Variants in GRK3 observed in about 807,000 individuals in gnomAD.
The protein encoded by GRK3 is G protein-coupled receptor kinase 3.
A neutral mutation model predicts 95.7 loss-of-function variants in GRK3; 54 were observed. That is an observed-to-expected ratio of 0.56 (90% CI 0.45 to 0.71). GRK3 has a LOEUF of 0.71. GRK3 is among the 30% of genes least tolerant of loss of function. The probability of loss-of-function intolerance (pLI) is 0.00; values close to 1 mark genes in which losing one functional copy is unlikely to be tolerated. For missense variants in GRK3, 649 were observed against 851.2 expected (o/e 0.76, Z 2.96); for synonymous variants, 281 against 290.8 (o/e 0.97, Z 0.34).
intron 1 of GRK3, among the ~76,000 whole-genome samples, chr22:25,593,947 A>G (rs149542784): frequency 1.3e-4 from 20 of 152,256 alleles, no homozygotes; most frequent in Middle Eastern, 3.4e-3. Flanking sequence ...TCTCTCTTCT[A>G]TTCCACTGGT....
intron 19 of GRK3, among the ~76,000 whole-genome samples, chr22:25,719,743 C>G (rs1162637239): frequency 1.3e-5 from 2 of 151,696 alleles, no homozygotes; most frequent in Non-Finnish European, 2.9e-5. Context: ...ACGATGGTCC[C>G]AAACACTCAA....
intron 3 of GRK3, among the ~76,000 whole-genome samples, chr22:25,658,717 T>C (rs944512407): frequency 1.3e-5 from 2 of 152,186 alleles, no homozygotes; most frequent in Non-Finnish European, 2.9e-5. Flanking sequence ...ATTTTGAATA[T>C]AAAGCAAACG....
rs1484556153 is a variant in GRK3, at chr22:25,564,906, G to A, written c.-135G>A. 2 of 145,480 alleles carry A rather than the reference G, an allele frequency of 1.4e-5. No homozygotes were observed. The highest frequency in any genetic ancestry group is 6.9e-5 in the Admixed American group (1 of 14,556). The allele number at this position is 145,480 out of a possible 1,614,324, so 9.0% of individuals were successfully genotyped here. A position where few individuals can be genotyped will look rare whatever the true frequency, so the allele number is the denominator to read the frequency against. On this transcript the variant is annotated 5_prime_UTR_variant, in exon 1 of 21. Transcript: ENST00000324198. ...CTAGTGGGGCGCGCGGCGCGCGCGC[G>A]GGGCGGGGGCGCGCGGAGGGGGGGG...
intron 2 of GRK3, among the ~76,000 whole-genome samples, chr22:25,642,623 C>A (rs540836088): frequency 8.5e-5 from 13 of 152,266 alleles, no homozygotes; most frequent in African/African-American, 2.4e-4. Context: ...CTCCCATCCT[C>A]CTGCCTTTTG....
At chr22:25,688,945 C>G (rs2146436543) in intron 11 of GRK3, among the ~76,000 whole-genome samples, 1 of 152,382 alleles carries the variant, frequency 6.6e-6, no homozygotes, top group African/African-American at 2.4e-5. Context: ...CAGATGCCTT[C>G]TTGAATGAAC....
At chr22:25,690,980 G>T (rs973593384) in intron 12 of GRK3, among the ~76,000 whole-genome samples, 1 of 152,146 alleles carries the variant, frequency 6.6e-6, no homozygotes, top group African/African-American at 2.4e-5. Flanking sequence ...CTGCTTCTGG[G>T]TGTGGCCCTG....
At position 25,688,053 on chromosome 22, in the gene GRK3, A is replaced by T. The variant is rs5761155; in HGVS notation, c.957+386A>T. Among the ~76,000 whole-genome samples the T allele has an allele frequency of 3.2e-4, 48 of 152,096 alleles. 1 individual carries two copies. The East Asian group carries it at 8.7e-3, about 28-fold the overall frequency. On this transcript the variant is annotated intron_variant, in intron 11 of 20. Coordinates refer to ENST00000324198, the MANE Select transcript of GRK3 (RefSeq NM_005160.4). Reference sequence around the variant, plus strand: ...AGATCAAGGCCATCCTGGCTAACACAGTGAAACCCCGTCTCTACTAAAAAT... The same window carrying T: ...AGATCAAGGCCATCCTGGCTAACACTGTGAAACCCCGTCTCTACTAAAAAT...
At chr22:25,608,235 CAA>C (rs2084467499) in intron 2 of GRK3, among the ~76,000 whole-genome samples, 1 of 152,152 alleles carries the variant, frequency 6.6e-6, no homozygotes, top group African/African-American at 2.4e-5. Flanking sequence ...CAATTAAAAA[CAA>C]AGAATGAAGT....
Position 25,723,798 on chromosome 22 carries a change from T to A in GRK3, c.*1348T>A, listed in dbSNP as rs998594879. On this transcript the variant is annotated 3_prime_UTR_variant, in exon 21 of 21. Transcript: ENST00000324198. ...CTTGACATCGTAATTGTCTGCATCC[T>A]GTCCTTGATATTTTTAGCAGTTCCA... 1 of 152,210 alleles carries A rather than the reference T, an allele frequency of 6.6e-6. No individual in the cohort carries two copies. Among genetic ancestry groups the A allele is most frequent in the Non-Finnish European group, 1.5e-5 (1 of 68,032 alleles). 9.4% of individuals were successfully genotyped at this position (152,210 alleles called of 1,614,324 possible).
intron 1 of GRK3, among the ~76,000 whole-genome samples, chr22:25,573,995 C>T (rs773085517): frequency 2.6e-5 from 4 of 152,098 alleles, no homozygotes; most frequent in Non-Finnish European, 4.4e-5. Flanking sequence ...CCATAAAATC[C>T]CATTGGCTGG....
intron 2 of GRK3, among the ~76,000 whole-genome samples, chr22:25,609,078 A>G (rs1195261603): frequency 1.3e-5 from 2 of 152,224 alleles, no homozygotes; most frequent in Admixed American, 6.5e-5. Context: ...AGACATTGAC[A>G]CAGTATGTTT....
intron 2 of GRK3, among the ~76,000 whole-genome samples, chr22:25,628,914 C>A (rs2084645923): frequency 1.3e-5 from 2 of 152,082 alleles, no homozygotes; most frequent in Admixed American, 6.6e-5. Context: ...AGGTGACATA[C>A]CCCACTTCCC....
intron 13 of GRK3, among the ~76,000 whole-genome samples, chr22:25,697,603 C>T (rs571809593): frequency 2.4e-4 from 37 of 152,236 alleles, no homozygotes; most frequent in Non-Finnish European, 3.7e-4. Flanking sequence ...CTTAGGGGAG[C>T]GCATGGTTGG....
At chr22:25,594,732 G>C (rs1446218964) in intron 1 of GRK3, among the ~76,000 whole-genome samples, 2 of 151,944 alleles carry the variant, frequency 1.3e-5, no homozygotes, top group Non-Finnish European at 2.9e-5. Flanking sequence ...CAAAAAATTA[G>C]CCGGGCGTGG....
chr22:25,709,883 CTCTT>C lies in GRK3; in HGVS notation c.1329-11_1329-8del, dbSNP rs1167474513. 1.2e-6 allele frequency: 2 copies of C among 1,605,900 alleles called. No homozygotes were observed. The highest frequency in any genetic ancestry group is 1.7e-6 in the Non-Finnish European group (2 of 1,172,634). On this transcript the variant is annotated splice_polypyrimidine_tract_variant and intron_variant, in intron 15 of 20. Coordinates refer to ENST00000324198, the MANE Select transcript of GRK3 (RefSeq NM_005160.4). ...AAATGCATACTCAGCACTGTTATGA[CTCTT>C]TCTCCTCCAGCTCACAGGAAGTAAA...
chr22:25,577,232 G>T (rs1044779188), intron 1 of GRK3, among the ~76,000 whole-genome samples: 8 of 152,074 alleles, frequency 5.3e-5, no homozygotes, highest in African/African-American at 1.9e-4. Context: ...GAGTGCAGCG[G>T]TGTGATCTCG....
intron 4 of GRK3, among the ~76,000 whole-genome samples, chr22:25,662,117 A>G (rs2084913265): frequency 6.6e-6 from 1 of 152,236 alleles, no homozygotes; most frequent in Non-Finnish European, 1.5e-5. Flanking sequence ...TAATAGTTCA[A>G]TAGCAGTTGT....
chr22:25,583,134 T>G (rs1357308151), intron 1 of GRK3, among the ~76,000 whole-genome samples: 1 of 152,196 alleles, frequency 6.6e-6, no homozygotes, highest in Non-Finnish European at 1.5e-5. Context: ...TGAACTGTGT[T>G]TGGGTGTCCA....
At chr22:25,679,021 T>C (rs2085054206) in intron 9 of GRK3, 106 bp downstream of exon 9, 4 of 734,764 alleles carry the variant, frequency 5.4e-6, no homozygotes, top group Non-Finnish European at 8.9e-6. Context: ...AGTGAGTTCT[T>C]GGGTGGGTTA....
Sources: allele counts gnomAD v4.1 joint callset (sites outside exome capture counted in the v4.1 genomes callset), GRCh38; gene constraint gnomAD v4.1.1; transcripts MANE v1.5; gene names NCBI Gene and HGNC (gene_info 2026-07-23, HGNC 2026-07-21).